Variants in LMAN1L observed in about 807,000 individuals in gnomAD.
LMAN1L encodes the protein lectin, mannose binding 1 like.
A neutral mutation model predicts 58.3 loss-of-function variants in LMAN1L; 60 were observed. That is an observed-to-expected ratio of 1.03 (90% CI 0.84 to 1.27). LMAN1L has a LOEUF of 1.27. Among genes scored for constraint, LMAN1L ranks in the 50% most tolerant of loss-of-function variants. LMAN1L has a pLI of 0.00. For missense variants in LMAN1L, 629 were observed against 674.0 expected (o/e 0.93, Z 0.74); for synonymous variants, 280 against 271.6 (o/e 1.03, Z -0.31).
At chr15:74,814,345 C>T (rs2063879598) in intron 1 of LMAN1L, among the ~76,000 whole-genome samples, 1 of 148,708 alleles carries the variant, frequency 6.7e-6, no homozygotes, top group Admixed American at 6.7e-5. Context: ...AGGTGTGTGC[C>T]ACCACACGCA....
At chr15:74,820,857 A>G in intron 8 of LMAN1L, 90 bp downstream of exon 8, 1 of 1,517,318 alleles carries the variant, frequency 6.6e-7, no homozygotes, top group Non-Finnish European at 8.9e-7. Flanking sequence ...ATCAGTAGGG[A>G]AACTGAGGCC....
At chr15:74,822,928 A>T (rs966949302) in intron 11 of LMAN1L, among the ~76,000 whole-genome samples, 1 of 152,208 alleles carries the variant, frequency 6.6e-6, no homozygotes, top group Non-Finnish European at 1.5e-5. Flanking sequence ...TCTCCTGGAG[A>T]AGCCCATCAT....
rs781642360 is a variant in LMAN1L at position 74,823,575 on chromosome 15, A to T, written c.1216A>T (p.Met406Leu). Residue 406 changes from methionine (M) to leucine (L), a missense_variant, in exon 12 of 14, where the codon ATG (methionine) becomes TTG (leucine). By Grantham distance (15) the Met-to-Leu change is conservative. Transcript: ENST00000309664. ...CCCGGTTAGGGATGCAGCTGTCCGC[A>T]TGGCTGCAGAAGCCCAGGTCTCCTA... is the stretch of plus-strand genomic sequence containing the variant. ...LQEMRDAAVR[M>L]AAEAQVSYLP... 2 of 1,613,928 alleles carry T rather than the reference A, an allele frequency of 1.2e-6. No individual in the cohort carries two copies. Among genetic ancestry groups the T allele is most frequent in the South Asian group, 2.2e-5 (2 of 91,070 alleles).
At chr15:74,819,129 C>A in intron 5 of LMAN1L, 23 bp from the exon 6 acceptor site, 2 of 1,587,980 alleles carry the variant, frequency 1.3e-6, no homozygotes, top group Non-Finnish European at 1.7e-6. Context: ...CCCCCCACTG[C>A]TCACTCTCTC....
intron 11 of LMAN1L, 54 bp from the exon 12 acceptor site, chr15:74,823,505 G>T (rs867595175): frequency 6.2e-6 from 10 of 1,600,362 alleles, no homozygotes; most frequent in Middle Eastern, 1.7e-4. Context: ...AGGCCATCTG[G>T]GTGGAAGCAG....
At position 74,819,547 on chromosome 15, in the gene LMAN1L, A is replaced by C. The variant is rs548398724; in HGVS notation, c.718+275A>C. ...CAGACAGCAAAGAGGGGCATTTAGG[A>C]AAATGGAGCAAAGAAATGTGACACC... is the stretch of plus-strand genomic sequence containing the variant. On this transcript the variant is annotated intron_variant, in intron 6 of 13. Transcript: ENST00000309664. 10 of 522,900 alleles carry C rather than the reference A, an allele frequency of 1.9e-5. No homozygotes were observed. The East Asian group carries it at 2.3e-4, about 12-fold the overall frequency. The allele number at this position is 522,900 out of a possible 1,614,324, so 32.4% of individuals were successfully genotyped here. A position where few individuals can be genotyped will look rare whatever the true frequency, so the allele number is the denominator to read the frequency against.
intron 6 of LMAN1L, 142 bp downstream of exon 6, chr15:74,819,414 T>C (rs537246848): frequency 1.8e-6 from 2 of 1,109,460 alleles, no homozygotes; most frequent in Middle Eastern, 4.3e-4. Context: ...AGAAGTCATG[T>C]CTGCCTTGAG....
At chr15:74,816,877 GC>G (rs2063894145) in intron 4 of LMAN1L, among the ~76,000 whole-genome samples, 187 bp downstream of exon 4, 1 of 152,190 alleles carries the variant, frequency 6.6e-6, no homozygotes, top group Non-Finnish European at 1.5e-5. Context: ...CGACCCAGCA[GC>G]CCCAGGTGAA....
intron 1 of LMAN1L, among the ~76,000 whole-genome samples, chr15:74,815,816 G>A (rs1044302629): frequency 1.3e-5 from 2 of 152,234 alleles, no homozygotes; most frequent in African/African-American, 4.8e-5. Context: ...GTGCTTTGGA[G>A]TCATATGGAG....
At chr15:74,821,988 G>A in intron 10 of LMAN1L, 88 bp downstream of exon 10, 1 of 868,562 alleles carries the variant, frequency 1.2e-6, no homozygotes, top group Non-Finnish European at 1.9e-6. Context: ...GACTGGGCTG[G>A]GCCTCTGCTT....
At chr15:74,820,796 G>A (rs370336163) in intron 8 of LMAN1L, 29 bp downstream of exon 8, 39 of 1,593,788 alleles carry the variant, frequency 2.4e-5, no homozygotes, top group Admixed American at 3.4e-5. Flanking sequence ...GGCAGGTGGC[G>A]CCCATCTGAG....
intron 13 of LMAN1L, chr15:74,824,803 G>GA: frequency 4.2e-6 from 1 of 240,856 alleles, no homozygotes. Context: ...CTTGGTTAGG[G>GA]AATCAACCTG....
Position 74,813,554 on chromosome 15 carries a change from T to C in LMAN1L, c.175+525T>C. 3 of 435,632 alleles carry C rather than the reference T, an allele frequency of 6.9e-6. No homozygotes were observed. The Admixed American group carries it at 7.4e-5, about 11-fold the overall frequency. 27.0% of individuals were successfully genotyped at this position (435,632 alleles called of 1,614,324 possible). On this transcript the variant is annotated intron_variant, in intron 1 of 13. Coordinates refer to ENST00000309664, the MANE Select transcript of LMAN1L (RefSeq NM_021819.3). ...GCATGAGAGCATCTTAGCCCATAGG[T>C]TTGTATTCAGGGACTTCCAAACCCA...
At chr15:74,814,436 T>G (rs1256930469) in intron 1 of LMAN1L, among the ~76,000 whole-genome samples, 3 of 146,098 alleles carry the variant, frequency 2.1e-5, no homozygotes, top group Non-Finnish European at 4.5e-5. Flanking sequence ...TGCAGTGGCG[T>G]GATCTCGGCT....
In LMAN1L at chr15:74,823,699, G is replaced by C. The variant is rs750619906; in HGVS notation, c.1323+17G>C. On this transcript the variant is annotated intron_variant, in intron 12 of 13. Transcript: ENST00000309664. ...GGCCCGGCGGTGAGGGGAAAGTAGT[G>C]GGCAGCATGGGGTCCCCAACCTTGA... 2 of 1,610,160 alleles carry C rather than the reference G, an allele frequency of 1.2e-6. No homozygotes were observed. The highest frequency in any genetic ancestry group is 2.2e-5 in the South Asian group (2 of 90,972).
intron 1 of LMAN1L, chr15:74,813,246 T>C: frequency 1.5e-6 from 1 of 661,204 alleles, no homozygotes; most frequent in South Asian, 1.6e-5. Context: ...CTCCTCTGCC[T>C]CTCTGCTTCC....
Position 74,823,558 on chromosome 15 carries a change from G to T in LMAN1L, c.1200-1G>T, listed in dbSNP as rs752683861. On this transcript the variant is annotated splice_acceptor_variant, in intron 11 of 13. Transcript: ENST00000309664. LOFTEE classifies it high-confidence loss of function. ...CTTACTTGGTTACCACCCCCGGTTA[G>T]GGATGCAGCTGTCCGCATGGCTGCA... 2 of 1,613,610 alleles carry T rather than the reference G, an allele frequency of 1.2e-6. No individual in the cohort carries two copies. Among genetic ancestry groups the T allele is most frequent in the African/African-American group, 2.7e-5 (2 of 74,894 alleles).
At position 74,816,158 on chromosome 15, in the gene LMAN1L, C is replaced by T. The variant is rs1225983970; in HGVS notation, c.177C>T (p.Asp59=). The T allele has an allele frequency of 3.2e-6, 5 of 1,547,632 alleles. No homozygotes were observed. Among genetic ancestry groups the T allele is most frequent in the African/African-American group, 2.7e-5 (2 of 73,016 alleles). The change falls in exon 2 of 14, where the codon GAC becomes GAT. Residue 59 remains aspartate (D), a splice_region_variant and synonymous_variant. Coordinates refer to ENST00000309664, the MANE Select transcript of LMAN1L (RefSeq NM_021819.3). Reference sequence around the variant, plus strand: ...GGCTTGAGCTGCCCTTGTCCACAGACGCCATCCTGGGCCTGGAGGAAGTGC... The same window carrying T: ...GGCTTGAGCTGCCCTTGTCCACAGATGCCATCCTGGGCCTGGAGGAAGTGC... The part of the protein sequence containing the change: ...AGIPFWSHHG[D]AILGLEEVRL...
intron 7 of LMAN1L, 107 bp downstream of exon 7, chr15:74,820,206 C>T (rs2063910118): frequency 9.8e-7 from 1 of 1,018,146 alleles, no homozygotes; most frequent in Middle Eastern, 2.7e-4. Context: ...TCCACCTGGC[C>T]TCTGAGCTCT....
Sources: allele counts gnomAD v4.1 joint callset (sites outside exome capture counted in the v4.1 genomes callset), GRCh38; gene constraint gnomAD v4.1.1; transcripts MANE v1.5; gene names NCBI Gene and HGNC (gene_info 2026-07-23, HGNC 2026-07-21).